Variants in PRIM2 observed in about 807,000 individuals in gnomAD.
PRIM2 encodes the protein DNA primase subunit 2.
A neutral mutation model predicts 67.3 loss-of-function variants in PRIM2; 39 were observed. That is an observed-to-expected ratio of 0.58 (90% CI 0.45 to 0.76). PRIM2 has a LOEUF of 0.76. Ranked by LOEUF, PRIM2 falls within the 30% of genes least tolerant of loss-of-function variation. PRIM2 has a pLI of 0.00. For synonymous variants in PRIM2, 143 were observed against 198.7 expected (o/e 0.72, Z 2.36); for missense variants, 398 against 598.7 (o/e 0.66, Z 3.50).
intron 12 of PRIM2, among the ~76,000 whole-genome samples, chr6:57,623,814 A>G (rs1477975828): frequency 1.3e-5 from 2 of 152,130 alleles, no homozygotes; most frequent in Non-Finnish European, 2.9e-5. Flanking sequence ...GGTGTTTACC[A>G]TCAATTTGCA....
At chr6:57,430,260 G>C (rs113336194) in intron 7 of PRIM2, among the ~76,000 whole-genome samples, 2 of 152,004 alleles carry the variant, frequency 1.3e-5, no homozygotes, top group Admixed American at 6.6e-5. Context: ...TAAAATATAT[G>C]AATGTTATTC....
At chr6:57,286,067 T>C in the PRIM2 span, among the ~76,000 whole-genome samples, 1 of 152,268 alleles carries the variant, frequency 6.6e-6, no homozygotes, top group African/African-American at 2.4e-5. Flanking sequence ...GAAGGACGTC[T>C]TCAAGGAAAA....
chr6:57,338,994 A>T (rs1768373596), intron 5 of PRIM2, among the ~76,000 whole-genome samples: 1 of 152,242 alleles, frequency 6.6e-6, no homozygotes, highest in African/African-American at 2.4e-5. Flanking sequence ...GCTGATAAGC[A>T]ACTTCAGCAA....
chr6:57,520,622 G>T (rs1173910447), intron 8 of PRIM2, among the ~76,000 whole-genome samples: 1 of 152,182 alleles, frequency 6.6e-6, no homozygotes, highest in Non-Finnish European at 1.5e-5. Context: ...AGGGGTGTAT[G>T]TGTGTATTTT....
At chr6:57,401,972 G>T (rs373643637) in intron 7 of PRIM2, among the ~76,000 whole-genome samples, 70 of 152,314 alleles carry the variant, frequency 4.6e-4, no homozygotes, top group African/African-American at 1.7e-3. Flanking sequence ...GAGGCTTTCA[G>T]TTGCCCCTGG....
chr6:57,612,133 G>A (rs1482318564), intron 12 of PRIM2, among the ~76,000 whole-genome samples: 1 of 152,294 alleles, frequency 6.6e-6, no homozygotes, highest in African/African-American at 2.4e-5. Flanking sequence ...ATACAATAGT[G>A]GAGGAAATGC....
intron 7 of PRIM2, among the ~76,000 whole-genome samples, chr6:57,485,156 T>G (rs1234495500): frequency 0.29 from 43,359 of 151,502 alleles, 6,504 homozygotes; most frequent in East Asian, 0.45. Flanking sequence ...GAGATTGAGA[T>G]TCCATGAACA....
At chr6:57,638,809 G>A (rs1485985426) in intron 13 of PRIM2, among the ~76,000 whole-genome samples, 23 of 152,140 alleles carry the variant, frequency 1.5e-4, no homozygotes, top group African/African-American at 4.3e-4. Flanking sequence ...CACAATAATA[G>A]TGGGAGACTT....
At chr6:57,492,551 A>T (rs1554346072) in intron 7 of PRIM2, among the ~76,000 whole-genome samples, 43,792 of 151,242 alleles carry the variant, frequency 0.29, 6,479 homozygotes, top group East Asian at 0.46. Flanking sequence ...CTAAAAAAAA[A>T]AAATAAATAA....
At chr6:57,440,300 T>C (rs1772162157) in intron 7 of PRIM2, among the ~76,000 whole-genome samples, 1 of 152,022 alleles carries the variant, frequency 6.6e-6, no homozygotes, top group Non-Finnish European at 1.5e-5. Flanking sequence ...TATTTTTTAT[T>C]TCTTTTCAAG....
the PRIM2 span, among the ~76,000 whole-genome samples, chr6:57,268,800 C>T: frequency 6.9e-5 from 8 of 116,050 alleles, no homozygotes; most frequent in African/African-American, 2.7e-4. Flanking sequence ...CACCCCACAA[C>T]AGTCCCCAGA....
chr6:57,472,367 T>G (rs1156712112), intron 7 of PRIM2, among the ~76,000 whole-genome samples: 2 of 150,780 alleles, frequency 1.3e-5, no homozygotes, highest in Non-Finnish European at 2.9e-5. Context: ...TAGGCGGAAG[T>G]TGCAGTGAAC....
At chr6:57,270,666 T>A in the PRIM2 span, among the ~76,000 whole-genome samples, 2 of 152,174 alleles carry the variant, frequency 1.3e-5, no homozygotes, top group African/African-American at 4.8e-5. Flanking sequence ...AACACTATGT[T>A]GAATAGGAGT....
the PRIM2 span, among the ~76,000 whole-genome samples, chr6:57,263,064 AC>A: frequency 6.6e-6 from 1 of 152,324 alleles, no homozygotes; most frequent in Middle Eastern, 3.4e-3. Flanking sequence ...ACAATATCTG[AC>A]ACAAAGTGGA....
chr6:57,273,920 C>G, the PRIM2 span, among the ~76,000 whole-genome samples: 1 of 152,174 alleles, frequency 6.6e-6, no homozygotes, highest in Non-Finnish European at 1.5e-5. Flanking sequence ...TGGGTATCAG[C>G]AGCGGTGGCT....
At chr6:57,339,332 C>A (rs1768386987) in intron 5 of PRIM2, among the ~76,000 whole-genome samples, 1 of 152,146 alleles carries the variant, frequency 6.6e-6, no homozygotes, top group South Asian at 2.1e-4. Flanking sequence ...CAATGACTTT[C>A]TTCACAGAAT....
intron 7 of PRIM2, among the ~76,000 whole-genome samples, chr6:57,446,292 T>G (rs1216819693): frequency 2.6e-5 from 4 of 151,024 alleles, no homozygotes; most frequent in Admixed American, 6.6e-5. Flanking sequence ...TTTTTTTGTT[T>G]TTTTTTTTTT....
intron 7 of PRIM2, among the ~76,000 whole-genome samples, chr6:57,436,172 T>C (rs1274565319): frequency 2.0e-5 from 3 of 152,316 alleles, no homozygotes; most frequent in South Asian, 4.1e-4. Context: ...GAGGCTAATA[T>C]TAGATTTTAG....
chr6:57,243,172 A>C, the PRIM2 span, among the ~76,000 whole-genome samples: 28 of 152,380 alleles, frequency 1.8e-4, no homozygotes, highest in Non-Finnish European at 3.8e-4. Flanking sequence ...TGGCAAAAAC[A>C]TACAAATGAT....
Sources: allele counts gnomAD v4.1 joint callset (sites outside exome capture counted in the v4.1 genomes callset), GRCh38; gene constraint gnomAD v4.1.1; transcripts MANE v1.5; gene names NCBI Gene and HGNC (gene_info 2026-07-23, HGNC 2026-07-21).